PROCA1: variants seen among roughly 807,000 people sequenced by gnomAD.
PROCA1 encodes the protein protein PROCA1.
PROCA1 carries 22 observed loss-of-function variants against 23.2 expected under a neutral mutation model. The observed-to-expected ratio is 0.95, with a 90% CI of 0.68 to 1.35. The LOEUF (loss-of-function observed/expected upper bound fraction) is 1.35, where lower values mean the gene tolerates loss of function less well. PROCA1 is among the 40% of genes most tolerant of loss of function. PROCA1 has a pLI of 0.00. For missense variants in PROCA1, 469 were observed against 459.8 expected, an observed-to-expected ratio of 1.02 and a Z score of -0.18; for synonymous variants, 182 against 179.2, an observed-to-expected ratio of 1.02 and a Z score of -0.12.
intron 2 of PROCA1, chr17:28,705,806 C>T (rs1432512704): frequency 6.6e-6 from 1 of 152,432 alleles, no homozygotes; most frequent in Non-Finnish European, 1.5e-5. Flanking sequence ...GAATCTCACT[C>T]ACACGACAAA....
At position 28,703,600 on chromosome 17, in the gene PROCA1, G is replaced by C. The variant is rs1567710652; in HGVS notation, c.1053C>G (p.Asn351Lys). Residue 351 changes from asparagine to lysine, a missense_variant, in exon 5 of 5, where the codon AAC (asparagine) becomes AAG (lysine). By Grantham distance (94) the Asn-to-Lys change is moderately conservative (BLOSUM62 0). Transcript: ENST00000682792. Reference sequence around the variant, plus strand: ...TTGATCCTGGGGGAGATTTTCTCTTGTTTACCTTCCTGGCTTGTGAGGGCT... The same window carrying C: ...TTGATCCTGGGGGAGATTTTCTCTTCTTTACCTTCCTGGCTTGTGAGGGCT... ...GAKPSQARKV[N>K]KRKSPPGSNP... The C allele has an allele frequency of 2.5e-6, 4 of 1,614,158 alleles. No individual in the cohort carries two copies. The highest frequency in any genetic ancestry group is 3.4e-6 in the Non-Finnish European group (4 of 1,180,028).
intron 1 of PROCA1, among the ~76,000 whole-genome samples, chr17:28,708,597 G>C (rs893441916): frequency 4.6e-5 from 7 of 151,946 alleles, no homozygotes; most frequent in Non-Finnish European, 8.8e-5. Flanking sequence ...ATCATTTTGG[G>C]AGTCTGGGCC....
chr17:28,704,460 T>C, intron 3 of PROCA1, 25 bp from the exon 4 acceptor site: 2 of 1,601,764 alleles, frequency 1.2e-6, no homozygotes, highest in Non-Finnish European at 1.7e-6. Flanking sequence ...ACTCTCAGCC[T>C]GGCTCCCATC....
chr17:28,703,915 C>T lies in PROCA1; in HGVS notation c.738G>A (p.Lys246=), dbSNP rs767972566. Reference sequence around the variant, plus strand: ...GCTTTGCCTTCTCATCCATCTCCTCCTTGTCTTTCTCTTTTTCCTTTTTCT... The same window carrying T: ...GCTTTGCCTTCTCATCCATCTCCTCTTTGTCTTTCTCTTTTTCCTTTTTCT... ...VKKKKEKEKD[K]EEMDEKAKLK... is the part of the protein sequence containing the mutation. Residue 246 remains lysine, a synonymous_variant, in exon 5 of 5, where the codon AAG becomes AAA. Coordinates refer to ENST00000682792, the MANE Select transcript of PROCA1 (RefSeq NM_001366301.1). 5.0e-6 allele frequency: 8 copies of T among 1,613,852 alleles called. No individual in the cohort carries two copies. The highest frequency in any genetic ancestry group is 2.2e-5 in the South Asian group (2 of 91,032).
At position 28,704,066 on chromosome 17, in the gene PROCA1, G is replaced by T; in HGVS notation, c.587C>A (p.Ala196Asp). 1 of 1,601,042 alleles carries T rather than the reference G, an allele frequency of 6.2e-7. No individual in the cohort carries two copies. Among genetic ancestry groups the T allele is most frequent in the Non-Finnish European group, 8.5e-7 (1 of 1,175,766 alleles). Residue 196 changes from alanine (A) to aspartate (D), a missense_variant, in exon 5 of 5, where the codon GCC becomes GAC. Transcript: ENST00000682792. ...CATGCTGGTGCCTAGGTCAGGGGAG[G>T]CGGTGGCGGGCCCCACCTGTGTCGG... is the stretch of plus-strand genomic sequence containing the variant. ...PIPTQVGPATASPDLGTSMAT... is the reference protein window; with the variant it reads ...PIPTQVGPATDSPDLGTSMAT...
intron 1 of PROCA1, chr17:28,711,335 A>C (rs1323869224): frequency 1.8e-6 from 1 of 556,500 alleles, no homozygotes; most frequent in African/African-American, 2.0e-5. Context: ...CCCGCGGGCG[A>C]CCCAGCAGGG....
At position 28,703,708 on chromosome 17, in the gene PROCA1, T is replaced by G. The variant is rs1461772277; in HGVS notation, c.945A>C (p.Gly315=). ...SEDSYNGRGQ[G]ELSSEDIVES... is the part of the protein sequence containing the mutation. ...CCACAATATCCTCGCTGGACAGTTC[T>G]CCCTGCCCCCGGCCATTGTAACTGT... Residue 315 remains glycine (G), a synonymous_variant, in exon 5 of 5, where the codon GGA becomes GGC. Coordinates refer to ENST00000682792, the MANE Select transcript of PROCA1 (RefSeq NM_001366301.1). The G allele has an allele frequency of 6.2e-7, 1 of 1,614,110 alleles. No homozygotes were observed. Among genetic ancestry groups the G allele is most frequent in the African/African-American group, 1.3e-5 (1 of 74,928 alleles).
chr17:28,711,649 C>G lies in PROCA1; in HGVS notation c.12G>C (p.Arg4Ser). MWV[R>S]TTLTIERWTK... is the part of the protein sequence containing the mutation. ...TCCATCTTTCAATTGTGAGCGTCGT[C>G]CTGACCCACATCGCTCTCCGCCCAG... The change falls in exon 1 of 5, where the codon AGG (arginine) becomes AGC (serine). Residue 4 changes from arginine to serine, a missense_variant. Coordinates refer to ENST00000682792, the MANE Select transcript of PROCA1 (RefSeq NM_001366301.1). The G allele has an allele frequency of 6.2e-7, 1 of 1,612,628 alleles. No homozygotes were observed. The highest frequency in any genetic ancestry group is 8.5e-7 in the Non-Finnish European group (1 of 1,179,542).
rs745332777 is a variant in PROCA1, at chr17:28,711,832, G to A, written c.-172C>T. On this transcript the variant is annotated 5_prime_UTR_variant, in exon 1 of 5. Coordinates refer to ENST00000682792, the MANE Select transcript of PROCA1 (RefSeq NM_001366301.1). The stretch of plus-strand genomic sequence containing the variant: ...AGCCCCCGCCGGCCTCCCCAGCCCG[G>A]CTCCAGGCTGCGTAGTCTTCCCAGC... 1.9e-4 allele frequency: 106 copies of A among 555,410 alleles called. 1 individual carries two copies. The highest frequency in any genetic ancestry group is 2.7e-4 in the Non-Finnish European group (88 of 323,646). 34.4% of individuals were successfully genotyped at this position (555,410 alleles called of 1,614,324 possible).
chr17:28,711,713 C>T lies in PROCA1; in HGVS notation c.-53G>A. 3 of 1,540,534 alleles carry T rather than the reference C, an allele frequency of 1.9e-6. No individual in the cohort carries two copies. The South Asian group carries it at 3.5e-5, about 18-fold the overall frequency. On this transcript the variant is annotated 5_prime_UTR_variant, in exon 1 of 5. Transcript: ENST00000682792. ...CAGGACTCTTGCGTGAAGTCCAACC[C>T]TGAGCCTCAGCCCGGCCGAGCCCTC... is the stretch of plus-strand genomic sequence containing the variant.
intron 3 of PROCA1, 85 bp downstream of exon 3, chr17:28,704,623 A>T (rs1567713811): frequency 1.3e-6 from 2 of 1,584,154 alleles, no homozygotes; most frequent in Non-Finnish European, 1.7e-6. Flanking sequence ...AAAGCTGAAG[A>T]GGCAAACCAA....
Position 28,704,297 on chromosome 17 carries a change from G to T in PROCA1, c.440+10C>A. 1 of 1,608,812 alleles carries T rather than the reference G, an allele frequency of 6.2e-7. No individual in the cohort carries two copies. Among genetic ancestry groups the T allele is most frequent in the Non-Finnish European group, 8.5e-7 (1 of 1,176,972 alleles). On this transcript the variant is annotated intron_variant, in intron 4 of 4. Transcript: ENST00000682792. Reference sequence around the variant, plus strand: ...GCCCCTTCCCCATCAGCCCACCGGGGCTCACTCACCAGCCATACCGGAATC... The same window carrying T: ...GCCCCTTCCCCATCAGCCCACCGGGTCTCACTCACCAGCCATACCGGAATC...
intron 4 of PROCA1, 31 bp downstream of exon 4, chr17:28,704,276 C>CT: frequency 6.3e-7 from 1 of 1,596,046 alleles, no homozygotes; most frequent in Non-Finnish European, 8.5e-7. Flanking sequence ...GTAGAGGCCC[C>CT]TTCCCCATCA....
chr17:28,704,533 A>G (rs1266712834), intron 3 of PROCA1, 98 bp from the exon 4 acceptor site: 1 of 1,547,780 alleles, frequency 6.5e-7, no homozygotes, highest in Admixed American at 1.9e-5. Flanking sequence ...GGCCTGCCTC[A>G]GGCCAACAGA....
At position 28,703,605 on chromosome 17, in the gene PROCA1, C is replaced by A; in HGVS notation, c.1048G>T (p.Val350Leu). ...TGAKPSQARK[V>L]NKRKSPPGSN... is the part of the protein sequence containing the mutation. The stretch of plus-strand genomic sequence containing the variant: ...CCTGGGGGAGATTTTCTCTTGTTTA[C>A]CTTCCTGGCTTGTGAGGGCTTTGCC... Residue 350 changes from valine to leucine, a missense_variant, in exon 5 of 5, where the codon GTA (valine) becomes TTA (leucine). Coordinates refer to ENST00000682792, the MANE Select transcript of PROCA1 (RefSeq NM_001366301.1). 6.2e-7 allele frequency: 1 copy of A among 1,614,214 alleles called. No individual in the cohort carries two copies. Among genetic ancestry groups the A allele is most frequent in the Admixed American group, 1.7e-5 (1 of 60,026 alleles).
Position 28,704,352 on chromosome 17 carries a change from T to G in PROCA1, c.395A>C (p.Glu132Ala). The change falls in exon 4 of 5, where the codon GAG becomes GCG. Residue 132 changes from glutamate (E) to alanine (A), a missense_variant. Glu to Ala is a moderately radical substitution (Grantham distance 107). Transcript: ENST00000682792. ...CSHVIESPCF[E>A]LTPEEEHVER... The stretch of plus-strand genomic sequence containing the variant: ...CACATGCTCCTCCTCCGGTGTGAGC[T>G]CAAAGCAAGGGGACTCGATGACATG... 1.2e-6 allele frequency: 2 copies of G among 1,614,028 alleles called. No homozygotes were observed. Among genetic ancestry groups the G allele is most frequent in the Non-Finnish European group, 1.7e-6 (2 of 1,179,976 alleles).
At chr17:28,704,470 C>T (rs369451057) in intron 3 of PROCA1, 35 bp from the exon 4 acceptor site, 1 of 1,596,754 alleles carries the variant, frequency 6.3e-7, no homozygotes, top group African/African-American at 1.3e-5. Flanking sequence ...TGGCTCCCAT[C>T]ACTCCCCCAG....
At chr17:28,711,117 A>C in intron 1 of PROCA1, 1 of 1,179,800 alleles carries the variant, frequency 8.5e-7, no homozygotes, top group Non-Finnish European at 1.1e-6. Flanking sequence ...CGCGGAGGTA[A>C]TTGTGATGCC....
chr17:28,711,083 G>T, intron 1 of PROCA1: 1 of 1,185,430 alleles, frequency 8.4e-7, no homozygotes, highest in South Asian at 1.6e-5. Context: ...CGTCTCCTTG[G>T]AAATGCCTCT....
Sources: allele counts gnomAD v4.1 joint callset (sites outside exome capture counted in the v4.1 genomes callset), GRCh38; gene constraint gnomAD v4.1.1; transcripts MANE v1.5; gene names NCBI Gene and HGNC (gene_info 2026-07-23, HGNC 2026-07-21).